PLXDC1: variants seen among roughly 807,000 people sequenced by gnomAD.
PLXDC1 encodes plexin domain-containing protein 1.
Under a neutral mutation model 61.3 loss-of-function variants are expected in PLXDC1, and 39 were observed. That is an observed-to-expected ratio of 0.64 (90% confidence interval 0.49 to 0.83). PLXDC1 has a LOEUF of 0.83. Among genes scored for constraint, PLXDC1 ranks in the 40% least tolerant of loss-of-function variants. The pLI is 0.00. For synonymous variants in PLXDC1, 212 were observed against 254.5 expected (o/e 0.83, Z 1.59); for missense variants, 596 against 666.5 (o/e 0.89, Z 1.17).
At chr17:39,134,005 C>T (rs1170334438) in intron 2 of PLXDC1, among the ~76,000 whole-genome samples, 1 of 151,888 alleles carries the variant, frequency 6.6e-6, no homozygotes, top group Non-Finnish European at 1.5e-5. Flanking sequence ...CGCCTGTAAT[C>T]CCAGCACTTT....
chr17:39,085,803 T>C (rs12939951), intron 8 of PLXDC1, among the ~76,000 whole-genome samples: 40,562 of 151,942 alleles, frequency 0.27, 6,134 homozygotes, highest in Admixed American at 0.43. Flanking sequence ...CCCTATCTGG[T>C]TTCCCAGGGG....
intron 2 of PLXDC1, among the ~76,000 whole-genome samples, chr17:39,126,271 A>G (rs976375297): frequency 1.3e-5 from 2 of 152,142 alleles, no homozygotes; most frequent in African/African-American, 2.4e-5. Flanking sequence ...ACAAAAAAAA[A>G]CCAACATACA....
chr17:39,099,035 G>A (rs558137695), intron 7 of PLXDC1, among the ~76,000 whole-genome samples: 21 of 152,110 alleles, frequency 1.4e-4, no homozygotes, highest in Admixed American at 9.2e-4. Flanking sequence ...AGGAGACAGA[G>A]GGAAGGAGGA....
intron 2 of PLXDC1, among the ~76,000 whole-genome samples, chr17:39,130,426 C>T (rs747362157): frequency 6.6e-6 from 1 of 152,146 alleles, no homozygotes; most frequent in South Asian, 2.1e-4. Context: ...GCATTCCAAC[C>T]TGGGCAACAG....
At chr17:39,098,441 GCAA>G (rs1910302108) in intron 7 of PLXDC1, among the ~76,000 whole-genome samples, 1 of 152,100 alleles carries the variant, frequency 6.6e-6, no homozygotes, top group African/African-American at 2.4e-5. Context: ...CCTAACCCCA[GCAA>G]CTAGGTCCAC....
At chr17:39,099,921 G>T (rs2143605850) in intron 7 of PLXDC1, among the ~76,000 whole-genome samples, 1 of 152,260 alleles carries the variant, frequency 6.6e-6, no homozygotes, top group South Asian at 2.1e-4. Context: ...GCGTAGACTG[G>T]ATCTGTGACT....
intron 7 of PLXDC1, among the ~76,000 whole-genome samples, chr17:39,100,081 T>A (rs1368638251): frequency 6.6e-6 from 1 of 152,022 alleles, no homozygotes; most frequent in Non-Finnish European, 1.5e-5. Flanking sequence ...CATGGGGAAG[T>A]TTACCAGGCA....
chr17:39,075,903 C>T (rs994597340), intron 11 of PLXDC1, among the ~76,000 whole-genome samples: 5 of 151,986 alleles, frequency 3.3e-5, no homozygotes, highest in Non-Finnish European at 5.9e-5. Flanking sequence ...CATGGCAAAA[C>T]CCAGTCTCTA....
chr17:39,112,521 G>A (rs557459891), intron 2 of PLXDC1, among the ~76,000 whole-genome samples: 6 of 143,942 alleles, frequency 4.2e-5, no homozygotes, highest in East Asian at 2.0e-4. Flanking sequence ...GCAGTGGTGC[G>A]ATCTCAGCTC....
intron 1 of PLXDC1, chr17:39,144,708 T>C (rs1912041756): frequency 6.6e-6 from 1 of 152,270 alleles, no homozygotes; most frequent in Admixed American, 6.5e-5. Context: ...TGCCTTCCAC[T>C]GGAGAGAGCT....
intron 7 of PLXDC1, among the ~76,000 whole-genome samples, chr17:39,101,644 G>A (rs773112793): frequency 3.9e-5 from 6 of 152,128 alleles, no homozygotes; most frequent in Admixed American, 6.5e-5. Context: ...CTTAGCAGTG[G>A]GCGCTTTGCC....
At chr17:39,078,691 A>T (rs1909436718) in intron 10 of PLXDC1, among the ~76,000 whole-genome samples, 1 of 152,148 alleles carries the variant, frequency 6.6e-6, no homozygotes, top group South Asian at 2.1e-4. Flanking sequence ...AGATGCCTGG[A>T]ACCACCCTTC....
intron 7 of PLXDC1, among the ~76,000 whole-genome samples, chr17:39,089,839 C>T (rs937404187): frequency 5.3e-5 from 8 of 152,236 alleles, no homozygotes; most frequent in African/African-American, 1.7e-4. Context: ...GCTCTGTCAC[C>T]CAGGCTGGAG....
rs1259597640 is a variant in PLXDC1 at position 39,107,443 on chromosome 17, C to T, written c.675G>A (p.Leu225=). 1 of 1,613,916 alleles carries T rather than the reference C, an allele frequency of 6.2e-7. No individual in the cohort carries two copies. The highest frequency in any genetic ancestry group is 8.5e-7 in the Non-Finnish European group (1 of 1,179,826). ...DKGSFTFQAA[L]HHDGRIVFAY... The stretch of plus-strand genomic sequence containing the variant: ...CAAAGACAATGCGGCCGTCATGGTG[C>T]AGAGCTGCCTGGAAGGTGAAACTGC... Residue 225 remains leucine (L), a synonymous_variant, in exon 6 of 14, where the codon CTG becomes CTA. Transcript: ENST00000315392.
intron 2 of PLXDC1, among the ~76,000 whole-genome samples, chr17:39,115,915 A>G (rs1039115606): frequency 4.6e-5 from 7 of 152,132 alleles, no homozygotes; most frequent in Admixed American, 4.6e-4. Flanking sequence ...CCGGAGTTCA[A>G]GACCAGCCTG....
chr17:39,113,903 TA>T (rs1910889515), intron 2 of PLXDC1, among the ~76,000 whole-genome samples: 1 of 152,030 alleles, frequency 6.6e-6, no homozygotes, highest in Non-Finnish European at 1.5e-5. Flanking sequence ...AGCCATCTAA[TA>T]AACCTCATTC....
At chr17:39,121,438 T>C (rs1300607311) in intron 2 of PLXDC1, among the ~76,000 whole-genome samples, 1 of 152,232 alleles carries the variant, frequency 6.6e-6, no homozygotes, top group East Asian at 1.9e-4. Context: ...ACCTCCTAGT[T>C]TGATTTCTCT....
At position 39,064,455 on chromosome 17, in the gene PLXDC1, A is replaced by G; in HGVS notation, c.*3385T>C. On this transcript the variant is annotated 3_prime_UTR_variant, in exon 14 of 14. Coordinates refer to ENST00000315392, the MANE Select transcript of PLXDC1 (RefSeq NM_020405.5). ...TGGTTTGCAGGGGGAGTTCTTTCCCAGTGATGAGTTGGGGCTGCTTCTCCC... is the reference window on the plus strand; with the variant it reads ...TGGTTTGCAGGGGGAGTTCTTTCCCGGTGATGAGTTGGGGCTGCTTCTCCC... 1 of 152,232 alleles carries G rather than the reference A, an allele frequency of 6.6e-6. No homozygotes were observed. Among genetic ancestry groups the G allele is most frequent in the East Asian group, 1.9e-4 (1 of 5,198 alleles). The allele number at this position is 152,232 out of a possible 1,614,324, so 9.4% of individuals were successfully genotyped here.
At chr17:39,146,948 A>ATTTTTTTTTTTT (rs869300584) in intron 1 of PLXDC1, among the ~76,000 whole-genome samples, 3 of 74,686 alleles carry the variant, frequency 4.0e-5, no homozygotes, top group Admixed American at 1.7e-4. Flanking sequence ...ACAGGAAATG[A>ATTTTTTTTTTTT]TTTTTTTTTT....
Sources: gnomAD v4.1 joint callset for allele counts (sites outside exome capture counted in the v4.1 genomes callset) on GRCh38, gnomAD v4.1.1 for gene constraint, MANE v1.5 for transcripts, NCBI Gene and HGNC (gene_info 2026-07-23, HGNC 2026-07-21) for gene names.